The following TSNARE1 variants were observed in gnomAD, a reference collection of about 807,000 sequenced individuals.
TSNARE1 encodes t-SNARE domain-containing protein 1.
A neutral mutation model predicts 62.0 loss-of-function variants in TSNARE1; 49 were observed. The ratio of observed to expected loss-of-function variants is 0.79; its 90% confidence interval spans 0.63 to 1.00. TSNARE1 has a LOEUF of 1.00. Among genes scored for constraint, TSNARE1 ranks in the 50% least tolerant of loss-of-function variants. TSNARE1 has a pLI of 0.00. For missense variants in TSNARE1, 755 were observed against 700.1 expected (o/e 1.08, Z -0.88); for synonymous variants, 328 against 294.4 (o/e 1.11, Z -1.17).
chr8:142,355,582 C>T (rs1273194953), intron 1 of TSNARE1, among the ~76,000 whole-genome samples: 1 of 152,184 alleles, frequency 6.6e-6, no homozygotes, highest in African/African-American at 2.4e-5. Context: ...CGGGAGCTCT[C>T]CTGCCCAGAC....
intron 1 of TSNARE1, among the ~76,000 whole-genome samples, chr8:142,372,544 G>C (rs959407021): frequency 1.3e-5 from 2 of 152,172 alleles, no homozygotes; most frequent in African/African-American, 4.8e-5. Context: ...TGGAGCGGGG[G>C]TGCTGGCTTC....
At chr8:142,213,993 G>C (rs1056304554) in intron 13 of TSNARE1, among the ~76,000 whole-genome samples, 1 of 152,180 alleles carries the variant, frequency 6.6e-6, no homozygotes, top group African/African-American at 2.4e-5. Flanking sequence ...TTCCAGGATT[G>C]TCCCCAAAAT....
chr8:142,231,222 A>T (rs911679083), intron 12 of TSNARE1, among the ~76,000 whole-genome samples: 1 of 152,158 alleles, frequency 6.6e-6, no homozygotes, highest in Non-Finnish European at 1.5e-5. Context: ...AAACAGCACC[A>T]CTTCCCAGCC....
intron 13 of TSNARE1, among the ~76,000 whole-genome samples, chr8:142,214,968 C>G (rs1436294104): frequency 6.6e-6 from 1 of 152,316 alleles, no homozygotes; most frequent in East Asian, 1.9e-4. Flanking sequence ...GACCCCTCAC[C>G]GACAAGGGCT....
chr8:142,279,923 C>T, intron 11 of TSNARE1: 1 of 1,050,258 alleles, frequency 9.5e-7, no homozygotes, highest in Non-Finnish European at 1.2e-6. Flanking sequence ...GTCTCTGCCA[C>T]CATGCGCTCC....
intron 12 of TSNARE1, among the ~76,000 whole-genome samples, chr8:142,260,849 A>G (rs1170793501): frequency 6.6e-6 from 1 of 150,458 alleles, no homozygotes; most frequent in African/African-American, 2.5e-5. Context: ...ACCACAGGGC[A>G]GAGCCTCTGC....
At chr8:142,397,628 T>C (rs367832503) in intron 1 of TSNARE1, among the ~76,000 whole-genome samples, 2 of 152,260 alleles carry the variant, frequency 1.3e-5, no homozygotes, top group African/African-American at 4.8e-5. Flanking sequence ...AAACAACAGT[T>C]GATCTGGCCA....
In TSNARE1 at chr8:142,280,204, G is replaced by A. The variant is rs187610636; in HGVS notation, c.1363+4209C>T. 17 of 985,406 alleles carry A rather than the reference G, an allele frequency of 1.7e-5. No individual in the cohort carries two copies. In the East Asian group the frequency reaches 1.8e-3, roughly 106 times the overall value. 61.0% of individuals were successfully genotyped at this position (985,406 alleles called of 1,614,324 possible). On this transcript the variant is annotated intron_variant, in intron 11 of 13. Coordinates refer to ENST00000524325, the MANE Select transcript of TSNARE1 (RefSeq NM_145003.5). ...GCTGAAGTTGGGCTTGCGTGTCTTGGTGCGGGAGTGGGGGCCCGGCCGCAG... is the reference window on the plus strand; with the variant it reads ...GCTGAAGTTGGGCTTGCGTGTCTTGATGCGGGAGTGGGGGCCCGGCCGCAG...
At chr8:142,217,323 GAAAGAAAGA>G (rs1563750147) in intron 13 of TSNARE1, among the ~76,000 whole-genome samples, 2 of 39,416 alleles carry the variant, frequency 5.1e-5, no homozygotes, top group Non-Finnish European at 1.3e-4. Context: ...AAGAAAGAAA[GAAAGAAAGA>G]AAGAAAGAAA....
intron 1 of TSNARE1, among the ~76,000 whole-genome samples, chr8:142,383,157 G>A (rs1254103676): frequency 6.6e-6 from 1 of 152,210 alleles, no homozygotes; most frequent in Non-Finnish European, 1.5e-5. Context: ...AGAAACAGGG[G>A]TGGAGTCATA....
At chr8:142,275,004 T>G (rs1254191734) in intron 11 of TSNARE1, 141 bp from the exon 12 acceptor site, 7 of 1,371,928 alleles carry the variant, frequency 5.1e-6, no homozygotes, top group Non-Finnish European at 5.7e-6. Context: ...GGCGCTGGGC[T>G]GCCAGACGTG....
chr8:142,299,918 G>C (rs777285484), intron 10 of TSNARE1, among the ~76,000 whole-genome samples: 35 of 152,292 alleles, frequency 2.3e-4, no homozygotes, highest in Admixed American at 4.6e-4. Flanking sequence ...TGAAAAATAA[G>C]CATTATACAT....
chr8:142,257,731 C>T (rs1818655085), intron 12 of TSNARE1, among the ~76,000 whole-genome samples: 2 of 152,052 alleles, frequency 1.3e-5, no homozygotes, highest in Non-Finnish European at 2.9e-5. Context: ...GAGGCCTGGC[C>T]CTGGGGGTGC....
intron 11 of TSNARE1, chr8:142,275,203 T>G (rs528230195): frequency 2.0e-6 from 2 of 985,366 alleles, no homozygotes; most frequent in Admixed American, 6.1e-5. Context: ...TGACCTTGCC[T>G]GGGCCAGCCC....
intron 12 of TSNARE1, among the ~76,000 whole-genome samples, chr8:142,232,874 A>G (rs558279752): frequency 3.9e-5 from 6 of 152,290 alleles, no homozygotes; most frequent in Admixed American, 2.6e-4. Flanking sequence ...CCCGACCCCA[A>G]CTTCCGCATC....
At chr8:142,221,999 A>ATC (rs1816283219) in intron 13 of TSNARE1, among the ~76,000 whole-genome samples, 1 of 80,432 alleles carries the variant, frequency 1.2e-5, no homozygotes, top group Non-Finnish European at 3.4e-5. Flanking sequence ...TCACTCACTC[A>ATC]CTGATTCACT....
At chr8:142,325,836 G>A (rs150695729) in intron 6 of TSNARE1, among the ~76,000 whole-genome samples, 2 of 152,284 alleles carry the variant, frequency 1.3e-5, no homozygotes, top group East Asian at 3.9e-4. Context: ...TGGAGAGCAT[G>A]AGAGGGATGA....
At chr8:142,379,877 T>C (rs1836608089) in intron 1 of TSNARE1, among the ~76,000 whole-genome samples, 1 of 152,180 alleles carries the variant, frequency 6.6e-6, no homozygotes, top group South Asian at 2.1e-4. Flanking sequence ...AGCAGGCTCT[T>C]ATCCCAAGCA....
chr8:142,256,307 CCATCAT>C (rs532631569), intron 12 of TSNARE1, among the ~76,000 whole-genome samples: 3 of 84,338 alleles, frequency 3.6e-5, no homozygotes, highest in Non-Finnish European at 5.0e-5. Flanking sequence ...CCCACCACCA[CCATCAT>C]CACCACCATC....
Sources: allele counts gnomAD v4.1 joint callset (sites outside exome capture counted in the v4.1 genomes callset), GRCh38; gene constraint gnomAD v4.1.1; transcripts MANE v1.5; gene names NCBI Gene and HGNC (gene_info 2026-07-23, HGNC 2026-07-21).